ARK2N: variants seen among roughly 807,000 people sequenced by gnomAD.
ARK2N encodes protein ARK2N.
At chr18:46,238,375 A>C in the ARK2N span, among the ~76,000 whole-genome samples, 2 of 152,206 alleles carry the variant, frequency 1.3e-5, no homozygotes, top group Non-Finnish European at 2.9e-5. Context: ...GACATCACAC[A>C]GTATCTTGAT....
At chr18:46,259,000 CTGT>C in the ARK2N span, among the ~76,000 whole-genome samples, 1 of 151,876 alleles carries the variant, frequency 6.6e-6, no homozygotes, top group Admixed American at 6.6e-5. Context: ...ACTAGATTGA[CTGT>C]TTTTTCCCTC....
chr18:46,225,139 C>T, the ARK2N span, among the ~76,000 whole-genome samples: 2 of 152,248 alleles, frequency 1.3e-5, no homozygotes, highest in Non-Finnish European at 2.9e-5. Flanking sequence ...CAAGCAGCTA[C>T]TGGAACCCAG....
chr18:46,203,453 T>C, the ARK2N span, among the ~76,000 whole-genome samples: 1 of 152,150 alleles, frequency 6.6e-6, no homozygotes, highest in Non-Finnish European at 1.5e-5. Context: ...GGGTGGGTAG[T>C]GACTAGAGGG....
the ARK2N span, chr18:46,266,528 G>T: frequency 6.6e-6 from 1 of 152,430 alleles, no homozygotes; most frequent in South Asian, 2.1e-4. Flanking sequence ...AATTTTAAAA[G>T]GTAGTGATCT....
the ARK2N span, among the ~76,000 whole-genome samples, chr18:46,176,870 GCTCC>G: frequency 6.6e-6 from 1 of 152,114 alleles, no homozygotes; most frequent in Non-Finnish European, 1.5e-5. Flanking sequence ...GCCTGCCTCG[GCTCC>G]CAGAGTGCTG....
chr18:46,249,991 G>A, the ARK2N span, among the ~76,000 whole-genome samples: 11 of 147,958 alleles, frequency 7.4e-5, no homozygotes, highest in East Asian at 4.1e-4. Flanking sequence ...CTAATTCCCC[G>A]CCCCCCTCGC....
the ARK2N span, among the ~76,000 whole-genome samples, chr18:46,179,711 C>T: frequency 1.6e-4 from 25 of 151,716 alleles, no homozygotes; most frequent in Non-Finnish European, 1.6e-4. Flanking sequence ...CCGCAACCTC[C>T]GCCTCCTGGG....
chr18:46,188,844 G>A, the ARK2N span, among the ~76,000 whole-genome samples: 5 of 152,072 alleles, frequency 3.3e-5, no homozygotes, highest in Admixed American at 2.6e-4. Flanking sequence ...TTGGTATGTT[G>A]AAAGATCTGG....
At chr18:46,241,983 A>G in the ARK2N span, among the ~76,000 whole-genome samples, 2 of 151,848 alleles carry the variant, frequency 1.3e-5, no homozygotes. Flanking sequence ...CGCCTGGCTA[A>G]TTTTTTGTAG....
chr18:46,234,273 C>G, the ARK2N span, among the ~76,000 whole-genome samples: 1 of 152,264 alleles, frequency 6.6e-6, no homozygotes, highest in South Asian at 2.1e-4. Context: ...TCTTGGCTTA[C>G]TGCAACCTCT....
At chr18:46,257,508 C>G in the ARK2N span, among the ~76,000 whole-genome samples, 4 of 152,262 alleles carry the variant, frequency 2.6e-5, no homozygotes, top group Non-Finnish European at 5.9e-5. Flanking sequence ...GTGTTGAACT[C>G]CTGGTTACCT....
At chr18:46,259,724 G>A in the ARK2N span, among the ~76,000 whole-genome samples, 1 of 144,696 alleles carries the variant, frequency 6.9e-6, no homozygotes, top group Non-Finnish European at 1.5e-5. Flanking sequence ...TCCCACCTCA[G>A]CCTTCCGAGT....
At chr18:46,213,393 C>G in the ARK2N span, among the ~76,000 whole-genome samples, 1 of 151,968 alleles carries the variant, frequency 6.6e-6, no homozygotes, top group Admixed American at 6.6e-5. Context: ...TTGTCCCCCC[C>G]ACTGCTAAAT....
chr18:46,225,302 A>C, the ARK2N span, among the ~76,000 whole-genome samples: 5 of 152,342 alleles, frequency 3.3e-5, no homozygotes, highest in East Asian at 7.7e-4. Flanking sequence ...AGAGTTCCCA[A>C]AGATGTATAA....
At chr18:46,261,814 T>A in the ARK2N span, among the ~76,000 whole-genome samples, 5 of 152,158 alleles carry the variant, frequency 3.3e-5, no homozygotes, top group African/African-American at 1.2e-4. Flanking sequence ...ATTAAGCCTT[T>A]GTAGGAGTAG....
chr18:46,251,431 A>G, the ARK2N span, among the ~76,000 whole-genome samples: 5 of 152,172 alleles, frequency 3.3e-5, no homozygotes, highest in Admixed American at 2.6e-4. Flanking sequence ...TAGGGTCCAG[A>G]TATGTGCCCA....
chr18:46,209,656 C>T, the ARK2N span, among the ~76,000 whole-genome samples: 7 of 152,038 alleles, frequency 4.6e-5, no homozygotes, highest in Non-Finnish European at 5.9e-5. Flanking sequence ...AGTGCAGTGG[C>T]GTGGTCTTGG....
At chr18:46,256,429 A>G in the ARK2N span, among the ~76,000 whole-genome samples, 1 of 148,480 alleles carries the variant, frequency 6.7e-6, no homozygotes, top group Non-Finnish European at 1.5e-5. Flanking sequence ...AAAAAAAAAT[A>G]TTTTTGTATC....
chr18:46,176,005 C>A, the ARK2N span, among the ~76,000 whole-genome samples: 2 of 152,102 alleles, frequency 1.3e-5, no homozygotes, highest in Non-Finnish European at 2.9e-5. Context: ...ATGATTAATT[C>A]AAAACCCATA....
Sources: allele counts gnomAD v4.1 joint callset (sites outside exome capture counted in the v4.1 genomes callset), GRCh38; gene constraint gnomAD v4.1.1; transcripts MANE v1.5; gene names NCBI Gene and HGNC (gene_info 2026-07-23, HGNC 2026-07-21).